Variants in FRYL observed in about 807,000 individuals in gnomAD.
FRYL encodes protein furry homolog-like.
Under a neutral mutation model 351.2 loss-of-function variants are expected in FRYL, and 150 were observed. The ratio of observed to expected loss-of-function variants is 0.43; its 90% CI spans 0.37 to 0.49. The LOEUF (loss-of-function observed/expected upper bound fraction) is 0.49. Among genes scored for constraint, FRYL ranks in the 20% least tolerant of loss-of-function variants. The pLI is 0.00. For synonymous variants in FRYL, 1,153 were observed against 1,257.1 expected, an observed-to-expected ratio of 0.92 and a Z score of 1.75; for missense variants, 3,036 against 3,619.3, an observed-to-expected ratio of 0.84 and a Z score of 4.13.
intron 1 of FRYL, among the ~76,000 whole-genome samples, chr4:48,779,755 G>A (rs1051341447): frequency 2.4e-4 from 36 of 152,030 alleles, no homozygotes; most frequent in African/African-American, 7.2e-4. Context: ...GAAGAGCCAG[G>A]CACTGGAGGG....
At chr4:48,774,381 TC>T (rs1388968235) in intron 1 of FRYL, among the ~76,000 whole-genome samples, 1 of 152,162 alleles carries the variant, frequency 6.6e-6, no homozygotes, top group South Asian at 2.1e-4. Flanking sequence ...CAGATATTAT[TC>T]CTGGCCCAGT....
In FRYL at chr4:48,556,998, C is replaced by T. The variant is rs1357810245; in HGVS notation, c.4246G>A (p.Glu1416Lys). 4 of 1,597,526 alleles carry T rather than the reference C, an allele frequency of 2.5e-6. No individual in the cohort carries two copies. Among genetic ancestry groups the T allele is most frequent in the African/African-American group, 1.4e-5 (1 of 74,004 alleles). The change falls in exon 35 of 64, where the codon GAA becomes AAA. Residue 1416 changes from glutamate to lysine, a missense_variant. Around this residue, in one of 7 missense-constraint regions of FRYL, gnomAD observed 1,987 missense variants for 2,311.7 expected, o/e 0.86. Coordinates refer to ENST00000358350, the MANE Select transcript of FRYL (RefSeq NM_015030.2). ...CATACGTAAGGCAAGAGGCTTGGTT[C>T]GCTATTCACCCCACAAATGCTGATC... Reference protein sequence around the residue: ...FLISICGVNSEPSLLPYVKKV... With the variant: ...FLISICGVNSKPSLLPYVKKV...
Position 48,579,245 on chromosome 4 carries a change from T to C in FRYL, c.2260-4A>G, listed in dbSNP as rs767184348. On this transcript the variant is annotated splice_region_variant and splice_polypyrimidine_tract_variant and intron_variant, in intron 22 of 63. Transcript: ENST00000358350. ...TAGGGCAATAGAGCAAAGTAGTCTA[T>C]ATGGAGAGGAAAAAATTGATTATTA... The C allele has an allele frequency of 3.2e-6, 5 of 1,577,552 alleles. No individual in the cohort carries two copies. The highest frequency in any genetic ancestry group is 2.0e-5 in the Admixed American group (1 of 50,970).
At chr4:48,769,007 C>A (rs115452531) in intron 1 of FRYL, among the ~76,000 whole-genome samples, 3,972 of 152,080 alleles carry the variant, frequency 0.026, 66 homozygotes, top group Admixed American at 0.046. Flanking sequence ...GGTGGTGGTG[C>A]AGGCCTGTAG....
At chr4:48,536,163 G>A (rs1728828902) in intron 47 of FRYL, among the ~76,000 whole-genome samples, 1 of 152,154 alleles carries the variant, frequency 6.6e-6, no homozygotes, top group African/African-American at 2.4e-5. Flanking sequence ...AACCCAGGAT[G>A]GATCAGTGCA....
intron 1 of FRYL, among the ~76,000 whole-genome samples, chr4:48,779,434 C>A (rs1453907021): frequency 6.6e-6 from 1 of 152,140 alleles, no homozygotes; most frequent in African/African-American, 2.4e-5. Flanking sequence ...CCGCACCCCT[C>A]CCCAGGACCG....
At chr4:48,502,682 A>T in intron 61 of FRYL, 146 bp downstream of exon 61, 1 of 535,146 alleles carries the variant, frequency 1.9e-6, no homozygotes, top group South Asian at 3.4e-5. Context: ...CATTTCATGG[A>T]TTAGGGCTTT....
intron 27 of FRYL, among the ~76,000 whole-genome samples, 196 bp downstream of exon 27, chr4:48,570,631 T>C (rs1379465438): frequency 6.6e-6 from 1 of 152,218 alleles, no homozygotes; most frequent in Non-Finnish European, 1.5e-5. Flanking sequence ...ATTCTGGTAG[T>C]AGATTTTTCA....
intron 26 of FRYL, chr4:48,571,996 C>G: frequency 1.0e-6 from 1 of 985,188 alleles, no homozygotes; most frequent in Non-Finnish European, 1.2e-6. Context: ...CATTCTGAAA[C>G]AAAAATCAAA....
chr4:48,675,302 G>A (rs1207099969), intron 3 of FRYL, among the ~76,000 whole-genome samples: 1 of 152,202 alleles, frequency 6.6e-6, no homozygotes, highest in Non-Finnish European at 1.5e-5. Flanking sequence ...GCTGGCCAAG[G>A]CTGGAGCCCA....
chr4:48,637,279 C>A (rs1754427755), intron 3 of FRYL: 1 of 151,964 alleles, frequency 6.6e-6, no homozygotes, highest in Non-Finnish European at 1.5e-5. Context: ...TCAAAGTTGT[C>A]CCCCTCAACT....
In FRYL at chr4:48,653,870, G is replaced by C. The variant is rs1758234962; in HGVS notation, c.-80-19380C>G. 4 of 1,283,536 alleles carry C rather than the reference G, an allele frequency of 3.1e-6. No homozygotes were observed. In the African/African-American group the frequency reaches 4.6e-5, roughly 15 times the overall value. 79.5% of individuals were successfully genotyped at this position (1,283,536 alleles called of 1,614,324 possible). On this transcript the variant is annotated intron_variant, in intron 3 of 63. Coordinates refer to ENST00000358350, the MANE Select transcript of FRYL (RefSeq NM_015030.2). ...GCAGCAGCAGCGGTTTTGCCGTTCT[G>C]TCTCTCCAAGCCGCTGTCCCTTCTC...
chr4:48,699,377 T>C (rs1256814691), intron 2 of FRYL, among the ~76,000 whole-genome samples: 2 of 152,040 alleles, frequency 1.3e-5, no homozygotes, highest in African/African-American at 4.8e-5. Context: ...AAGTAAAAAA[T>C]AGTGGGGGAT....
chr4:48,518,038 T>C (rs1235186414), intron 55 of FRYL, among the ~76,000 whole-genome samples: 1 of 152,222 alleles, frequency 6.6e-6, no homozygotes, highest in Non-Finnish European at 1.5e-5. Context: ...ATCCAACAGA[T>C]ATAAGGCTGT....
intron 1 of FRYL, among the ~76,000 whole-genome samples, chr4:48,776,475 C>G (rs1776040998): frequency 6.6e-6 from 1 of 152,088 alleles, no homozygotes; most frequent in Non-Finnish European, 1.5e-5. Flanking sequence ...TTAAAACTGC[C>G]CAAGTACTTT....
chr4:48,625,749 A>T (rs1190278208), intron 4 of FRYL, among the ~76,000 whole-genome samples: 1 of 152,158 alleles, frequency 6.6e-6, no homozygotes, highest in Non-Finnish European at 1.5e-5. Context: ...ACTGTATTAG[A>T]ATATTGTGTA....
At chr4:48,744,138 C>T (rs899988331) in intron 1 of FRYL, among the ~76,000 whole-genome samples, 9 of 151,158 alleles carry the variant, frequency 6.0e-5, no homozygotes, top group Non-Finnish European at 1.0e-4. Context: ...AGAAATAGTA[C>T]GAATTAGTAG....
At chr4:48,515,296 T>C in intron 55 of FRYL, 21 bp from the exon 56 acceptor site, 1 of 1,555,606 alleles carries the variant, frequency 6.4e-7, no homozygotes, top group Non-Finnish European at 8.8e-7. Flanking sequence ...ATCATAGTTT[T>C]AGTGAACTAT....
intron 25 of FRYL, 31 bp from the exon 26 acceptor site, chr4:48,573,274 T>C (rs1738775308): frequency 7.3e-7 from 1 of 1,377,974 alleles, no homozygotes; most frequent in East Asian, 2.3e-5. Flanking sequence ...ATTCTATTAA[T>C]AGCTACACAG....
Sources: gnomAD v4.1 joint callset for allele counts (sites outside exome capture counted in the v4.1 genomes callset) on GRCh38, gnomAD v4.1.1 for gene constraint, gnomAD v4.1.1 regional missense constraint, MANE v1.5 for transcripts, NCBI Gene and HGNC (gene_info 2026-07-23, HGNC 2026-07-21) for gene names.